Variants in RAB3C observed in about 807,000 individuals in gnomAD.
The protein encoded by RAB3C is RAB3C, member RAS oncogene family.
In RAB3C, 17 loss-of-function variants were observed where a neutral mutation model predicts 26.4. The observed-to-expected ratio is 0.64, with a 90% CI of 0.44 to 0.97. RAB3C has a LOEUF of 0.97. Among genes scored for constraint, RAB3C ranks in the 50% least tolerant of loss-of-function variants. The pLI is 0.00. For missense variants in RAB3C, 242 were observed against 281.9 expected (o/e 0.86, Z 1.01); for synonymous variants, 91 against 95.9 (o/e 0.95, Z 0.30).
intron 1 of RAB3C, among the ~76,000 whole-genome samples, chr5:58,603,462 G>A (rs1746499220): frequency 6.6e-6 from 1 of 152,006 alleles, no homozygotes; most frequent in African/African-American, 2.4e-5. Flanking sequence ...CTAAGGTTTG[G>A]TCATTTAACA....
At chr5:58,627,311 A>T (rs1747073661) in intron 2 of RAB3C, among the ~76,000 whole-genome samples, 2 of 152,082 alleles carry the variant, frequency 1.3e-5, no homozygotes, top group Non-Finnish European at 2.9e-5. Flanking sequence ...ATTCATTTAC[A>T]GTTATACTGA....
At chr5:58,621,899 A>G (rs897318331) in intron 2 of RAB3C, among the ~76,000 whole-genome samples, 1 of 152,216 alleles carries the variant, frequency 6.6e-6, no homozygotes, top group African/African-American at 2.4e-5. Flanking sequence ...TTACTGGGTC[A>G]GGAAGGAAGA....
chr5:58,722,620 T>C (rs1161010422), intron 2 of RAB3C, among the ~76,000 whole-genome samples: 1 of 151,848 alleles, frequency 6.6e-6, no homozygotes, highest in Non-Finnish European at 1.5e-5. Context: ...AAAGCTTTGC[T>C]TATGCTTTTC....
chr5:58,814,343 G>A (rs551104919), intron 3 of RAB3C, among the ~76,000 whole-genome samples: 12 of 152,124 alleles, frequency 7.9e-5, no homozygotes, highest in African/African-American at 2.9e-4. Context: ...CACAAACCTC[G>A]GTGTTCAGGC....
intron 3 of RAB3C, among the ~76,000 whole-genome samples, chr5:58,752,567 G>A (rs1004236040): frequency 8.6e-5 from 13 of 152,036 alleles, no homozygotes; most frequent in Admixed American, 2.6e-4. Context: ...GTTTTGTGGT[G>A]TATTATCAGT....
At chr5:58,705,325 A>G (rs189738116) in intron 2 of RAB3C, among the ~76,000 whole-genome samples, 4 of 152,296 alleles carry the variant, frequency 2.6e-5, no homozygotes, top group Non-Finnish European at 5.9e-5. Flanking sequence ...ATTCCATTGC[A>G]CCAATTGGAA....
At chr5:58,620,710 A>G (rs1746917316) in intron 2 of RAB3C, among the ~76,000 whole-genome samples, 1 of 152,200 alleles carries the variant, frequency 6.6e-6, no homozygotes, top group Non-Finnish European at 1.5e-5. Flanking sequence ...CTGAATGGCT[A>G]AGAGGGGATT....
intron 2 of RAB3C, among the ~76,000 whole-genome samples, chr5:58,627,795 G>C (rs1388761592): frequency 6.6e-6 from 1 of 152,154 alleles, no homozygotes; most frequent in Non-Finnish European, 1.5e-5. Flanking sequence ...TGCATATGAA[G>C]GGAAGGAAAG....
At chr5:58,734,243 T>C (rs1364191852) in intron 3 of RAB3C, among the ~76,000 whole-genome samples, 3 of 152,092 alleles carry the variant, frequency 2.0e-5, no homozygotes, top group East Asian at 1.9e-4. Flanking sequence ...CAAAACTACA[T>C]AGTGGTCTTA....
chr5:58,658,831 G>C (rs1457016535), intron 2 of RAB3C, among the ~76,000 whole-genome samples: 3 of 152,158 alleles, frequency 2.0e-5, no homozygotes, highest in Non-Finnish European at 4.4e-5. Context: ...AGACCACCCT[G>C]GGTTTGTCTA....
intron 3 of RAB3C, among the ~76,000 whole-genome samples, chr5:58,767,428 A>G (rs1741929637): frequency 6.6e-6 from 1 of 152,186 alleles, no homozygotes; most frequent in South Asian, 2.1e-4. Flanking sequence ...ATAAATATTT[A>G]TTGAGCACCT....
intron 2 of RAB3C, among the ~76,000 whole-genome samples, chr5:58,717,297 G>A (rs1198902073): frequency 6.6e-6 from 1 of 152,100 alleles, no homozygotes; most frequent in Non-Finnish European, 1.5e-5. Context: ...CTCCCTTTCT[G>A]TCCCTTCTTT....
intron 3 of RAB3C, among the ~76,000 whole-genome samples, chr5:58,769,601 T>C (rs2111986466): frequency 6.6e-6 from 1 of 152,334 alleles, no homozygotes; most frequent in African/African-American, 2.4e-5. Flanking sequence ...TCTGAAATTC[T>C]GACAGTCTTT....
intron 3 of RAB3C, among the ~76,000 whole-genome samples, chr5:58,792,344 G>T (rs1355545112): frequency 6.6e-6 from 1 of 152,214 alleles, no homozygotes; most frequent in Non-Finnish European, 1.5e-5. Flanking sequence ...CTATGGCTAT[G>T]GGGGCAAAAC....
At chr5:58,698,325 T>C (rs1443751616) in intron 2 of RAB3C, among the ~76,000 whole-genome samples, 1 of 152,210 alleles carries the variant, frequency 6.6e-6, no homozygotes, top group African/African-American at 2.4e-5. Flanking sequence ...CCTTTGAGGG[T>C]AACCTGACCT....
At chr5:58,668,823 A>G (rs756338081) in intron 2 of RAB3C, among the ~76,000 whole-genome samples, 12 of 152,220 alleles carry the variant, frequency 7.9e-5, no homozygotes, top group South Asian at 2.1e-4. Flanking sequence ...GATTCCTGCC[A>G]TAATCAGTTT....
At chr5:58,703,034 T>A (rs939028190) in intron 2 of RAB3C, among the ~76,000 whole-genome samples, 3 of 152,172 alleles carry the variant, frequency 2.0e-5, no homozygotes, top group African/African-American at 7.2e-5. Flanking sequence ...TATATAGTAA[T>A]TAAAGATGAC....
intron 1 of RAB3C, among the ~76,000 whole-genome samples, chr5:58,609,510 C>T (rs1746649489): frequency 6.6e-6 from 1 of 152,088 alleles, no homozygotes; most frequent in African/African-American, 2.4e-5. Context: ...GCACATAGAG[C>T]ATGTAAGACC....
intron 2 of RAB3C, among the ~76,000 whole-genome samples, chr5:58,649,945 T>C (rs1378943098): frequency 6.6e-6 from 1 of 152,226 alleles, no homozygotes; most frequent in East Asian, 1.9e-4. Flanking sequence ...TTTCAGGCAC[T>C]ACAGCAGCAT....
Sources: gnomAD v4.1 joint callset for allele counts (sites outside exome capture counted in the v4.1 genomes callset) on GRCh38, gnomAD v4.1.1 for gene constraint, MANE v1.5 for transcripts, NCBI Gene and HGNC (gene_info 2026-07-23, HGNC 2026-07-21) for gene names.